Variants in RGS17 observed in about 807,000 individuals in gnomAD.
RGS17 encodes the protein regulator of G-protein signaling 17.
Under a neutral mutation model 25.5 loss-of-function variants are expected in RGS17, and 12 were observed. The ratio of observed to expected loss-of-function variants is 0.47; its 90% CI spans 0.30 to 0.76. The LOEUF is 0.76. Ranked by LOEUF, RGS17 falls within the 30% of genes least tolerant of loss-of-function variation. The pLI, the probability that RGS17 is intolerant of heterozygous loss-of-function variation, is 0.07. For synonymous variants in RGS17, 71 were observed against 76.9 expected, an observed-to-expected ratio of 0.92 and a Z score of 0.40; for missense variants, 196 against 242.2, an observed-to-expected ratio of 0.81 and a Z score of 1.27.
At chr6:153,033,148 G>A (rs1191962699) in intron 2 of RGS17, among the ~76,000 whole-genome samples, 1 of 151,868 alleles carries the variant, frequency 6.6e-6, no homozygotes, top group Admixed American at 6.5e-5. Flanking sequence ...TTCTATATAC[G>A]CATCTGTTTG....
chr6:153,043,810 G>A, intron 2 of RGS17, 90 bp downstream of exon 2: 1 of 707,374 alleles, frequency 1.4e-6, no homozygotes, highest in Non-Finnish European at 2.4e-6. Flanking sequence ...GACATGTTGA[G>A]CAGTTTCTAC....
chr6:153,037,223 G>A (rs978117609), intron 2 of RGS17, among the ~76,000 whole-genome samples: 8 of 149,050 alleles, frequency 5.4e-5, no homozygotes, highest in African/African-American at 2.0e-4. Flanking sequence ...CACACACACA[G>A]GAGCATGAAG....
In RGS17 at chr6:153,010,929, T is replaced by G. The variant is rs554561560; in HGVS notation, c.*645A>C. The G allele has an allele frequency of 1.3e-5, 2 of 151,174 alleles. No individual in the cohort carries two copies. The highest frequency in any genetic ancestry group is 4.2e-4 in the South Asian group (2 of 4,784). The allele number at this position is 151,174 out of a possible 1,614,324, so 9.4% of individuals were successfully genotyped here. On this transcript the variant is annotated 3_prime_UTR_variant, in exon 5 of 5. Transcript: ENST00000206262. ...TTGCTTTTAGCATAGTAAACTCTCCTGTAATGAAAATGCCACAGTTTTGGC... is the reference window on the plus strand; with the variant it reads ...TTGCTTTTAGCATAGTAAACTCTCCGGTAATGAAAATGCCACAGTTTTGGC...
intron 1 of RGS17, among the ~76,000 whole-genome samples, chr6:153,079,075 G>A (rs1174638341): frequency 7.7e-6 from 1 of 130,690 alleles, no homozygotes; most frequent in East Asian, 2.0e-4. Flanking sequence ...TTGAAAAGAA[G>A]TGATAAATTT....
rs2129128319 is a variant in RGS17 at position 153,130,571 on chromosome 6, TC to T, written c.-26+552del. The stretch of plus-strand genomic sequence containing the variant: ...TTCGCAACCTCTTCTTCGAACACCT[TC>T]CCCACCTGAGCAGTGCATTTTCCCA... On this transcript the variant is annotated intron_variant, in intron 1 of 4. Coordinates refer to ENST00000206262, the MANE Select transcript of RGS17 (RefSeq NM_012419.5). This position sits in a 1 kb window ranked among gnomAD's most constrained non-coding sequence, Gnocchi z 6.4. Among the ~76,000 whole-genome samples the T allele has an allele frequency of 6.6e-6, 1 of 151,992 alleles. No homozygotes were observed. The highest frequency in any genetic ancestry group is 6.6e-5 in the Admixed American group (1 of 15,264).
chr6:153,070,681 G>A (rs886623705), intron 1 of RGS17, among the ~76,000 whole-genome samples: 1 of 114,542 alleles, frequency 8.7e-6, no homozygotes, highest in Admixed American at 8.3e-5. Flanking sequence ...GATTGTGTGT[G>A]TGTGTGTGTG....
Position 153,109,609 on chromosome 6 carries a change from T to C in RGS17, c.-26+21515A>G, listed in dbSNP as rs151028916. ...TTTTAATCTGTCCTTTGCAAAGCTG[T>C]AAATACTTTTTATCATTTCAGATGC... On this transcript the variant is annotated intron_variant, in intron 1 of 4. Coordinates refer to ENST00000206262, the MANE Select transcript of RGS17 (RefSeq NM_012419.5). 2.6e-5 allele frequency among the ~76,000 whole-genome samples: 4 copies of C among 152,260 alleles called. No homozygotes were observed. The East Asian group carries it at 7.8e-4, about 30-fold the overall frequency.
chr6:153,026,359 G>T, intron 3 of RGS17, 95 bp downstream of exon 3: 2 of 690,822 alleles, frequency 2.9e-6, no homozygotes, highest in Non-Finnish European at 4.7e-6. Context: ...TCATTTTGAA[G>T]AGTACCATGA....
At chr6:153,026,267 T>C (rs1209291089) in intron 3 of RGS17, among the ~76,000 whole-genome samples, 187 bp downstream of exon 3, 3 of 152,210 alleles carry the variant, frequency 2.0e-5, no homozygotes, top group African/African-American at 7.2e-5. Flanking sequence ...TAACTTAACA[T>C]AGCTAATAGA....
chr6:153,036,355 C>T (rs1009453280), intron 2 of RGS17, among the ~76,000 whole-genome samples: 1 of 152,148 alleles, frequency 6.6e-6, no homozygotes, highest in Non-Finnish European at 1.5e-5. Flanking sequence ...GCCCGGCCCC[C>T]TTGCTGCGTT....
chr6:153,025,710 A>T (rs1208436989), intron 3 of RGS17, among the ~76,000 whole-genome samples: 1 of 145,106 alleles, frequency 6.9e-6, no homozygotes, highest in Non-Finnish European at 1.5e-5. Context: ...ACATATATAT[A>T]TAAACATATA....
intron 4 of RGS17, among the ~76,000 whole-genome samples, chr6:153,020,109 A>ATATAT (rs1371960019): frequency 6.4e-4 from 39 of 60,840 alleles, no homozygotes; most frequent in Admixed American, 4.2e-3. Flanking sequence ...TTAAAAAAAA[A>ATATAT]AAATATATAT....
At chr6:153,023,100 C>G (rs1213830842) in intron 4 of RGS17, among the ~76,000 whole-genome samples, 2 of 152,072 alleles carry the variant, frequency 1.3e-5, no homozygotes, top group Non-Finnish European at 2.9e-5. Flanking sequence ...AACTATATAA[C>G]TTAGGTACTG....
intron 1 of RGS17, among the ~76,000 whole-genome samples, chr6:153,115,359 G>T (rs533769158): frequency 5.3e-5 from 8 of 152,176 alleles, no homozygotes; most frequent in African/African-American, 1.7e-4. Context: ...AAATACCTAG[G>T]AATACAACTT....
chr6:153,008,304 A>ATTC lies in RGS17; in HGVS notation c.*3267_*3269dup, dbSNP rs1779098287. ...CTAAGACGGCATATCAGAACTGGTC[A>ATTC]TTCTATGTACATATTTTAAGATTTC... On this transcript the variant is annotated 3_prime_UTR_variant, in exon 5 of 5. Transcript: ENST00000206262. The ATTC allele has an allele frequency of 1.4e-5, 2 of 146,130 alleles. No individual in the cohort carries two copies. The highest frequency in any genetic ancestry group is 3.0e-5 in the Non-Finnish European group (2 of 66,860). The allele number at this position is 146,130 out of a possible 1,614,324, so 9.1% of individuals were successfully genotyped here.
At chr6:153,054,053 A>G (rs1227105734) in intron 1 of RGS17, among the ~76,000 whole-genome samples, 1,675 of 79,550 alleles carry the variant, frequency 0.021, 225 homozygotes, top group Admixed American at 0.074. Flanking sequence ...GTATATATGT[A>G]TATAATATAT....
At chr6:153,069,266 A>G (rs1254110094) in intron 1 of RGS17, among the ~76,000 whole-genome samples, 1 of 152,230 alleles carries the variant, frequency 6.6e-6, no homozygotes, top group Non-Finnish European at 1.5e-5. Flanking sequence ...AGTAATATTC[A>G]GCCATAAAAA....
chr6:153,024,825 A>C (rs985151981), intron 3 of RGS17, among the ~76,000 whole-genome samples: 3 of 152,198 alleles, frequency 2.0e-5, no homozygotes, highest in African/African-American at 7.2e-5. Flanking sequence ...AATGTGTTGC[A>C]AGTTGATAGA....
Position 153,103,548 on chromosome 6 carries a change from A to G in RGS17, c.-26+27576T>C, listed in dbSNP as rs147879486. Among the ~76,000 whole-genome samples, 149 of 152,284 alleles carry G rather than the reference A, an allele frequency of 9.8e-4. 2 individuals carry two copies. In the East Asian group the frequency reaches 0.021, roughly 22 times the overall value. ...GCTGAGGTTGCCAGGATATTCGTCTATTCTTGTCCTCCATGATCAAACCAA... is the reference window on the plus strand; with the variant it reads ...GCTGAGGTTGCCAGGATATTCGTCTGTTCTTGTCCTCCATGATCAAACCAA... On this transcript the variant is annotated intron_variant, in intron 1 of 4. Transcript: ENST00000206262.
Sources: gnomAD v4.1 joint callset for allele counts (sites outside exome capture counted in the v4.1 genomes callset) on GRCh38, gnomAD v4.1.1 for gene constraint, Gnocchi (gnomAD v3.1) non-coding constraint, MANE v1.5 for transcripts, NCBI Gene and HGNC (gene_info 2026-07-23, HGNC 2026-07-21) for gene names.